Variants in OTOGL observed in about 807,000 individuals in gnomAD.
The protein encoded by OTOGL is otogelin like.
In OTOGL, 285 loss-of-function variants were observed where a neutral mutation model predicts 318.5. The ratio of observed to expected loss-of-function variants is 0.89; its 90% CI spans 0.81 to 0.99. OTOGL has a LOEUF of 0.99. Among genes scored for constraint, OTOGL ranks in the 50% least tolerant of loss-of-function variants. OTOGL has a pLI of 0.00. For synonymous variants in OTOGL, 987 were observed against 936.5 expected (o/e 1.05, Z -0.99); for missense variants, 2,899 against 2,845.6 (o/e 1.02, Z -0.43).
intron 56 of OTOGL, 64 bp from the exon 57 acceptor site, chr12:80,371,955 C>T: frequency 9.5e-7 from 1 of 1,057,346 alleles, no homozygotes; most frequent in Non-Finnish European, 1.3e-6. Context: ...TTTTCTTTTT[C>T]TAGTACAAGA....
Position 80,380,213 on chromosome 12 carries a change from G to C in OTOGL, c.*2165G>C, listed in dbSNP as rs1010983108. ...AAAATAGGGAAGAAATCTTAGATTG[G>C]GGAGAGCCATTCTAATTGTGACTCA... On this transcript the variant is annotated 3_prime_UTR_variant, in exon 59 of 59. Coordinates refer to ENST00000547103, the MANE Select transcript of OTOGL (RefSeq NM_001378609.3). The C allele has an allele frequency of 6.6e-6, 1 of 151,924 alleles. No homozygotes were observed. The highest frequency in any genetic ancestry group is 2.4e-5 in the African/African-American group (1 of 41,408). The allele number at this position is 151,924 out of a possible 1,614,324, so 9.4% of individuals were successfully genotyped here. A position where few individuals can be genotyped will look rare whatever the true frequency, so the allele number is the denominator to read the frequency against.
At chr12:80,184,211 G>C (rs1875129160) in intron 1 of OTOGL, among the ~76,000 whole-genome samples, 1 of 152,134 alleles carries the variant, frequency 6.6e-6, no homozygotes, top group Non-Finnish European at 1.5e-5. Context: ...TCAATGCTCT[G>C]CTTCAGGCAG....
intron 1 of OTOGL, among the ~76,000 whole-genome samples, chr12:80,170,355 T>C (rs1222966421): frequency 2.0e-5 from 3 of 152,190 alleles, no homozygotes; most frequent in Non-Finnish European, 2.9e-5. Context: ...AATATTTTTA[T>C]GTGATTATGT....
intron 4 of OTOGL, among the ~76,000 whole-genome samples, chr12:80,212,592 C>CA (rs1877352845): frequency 6.6e-6 from 1 of 151,984 alleles, no homozygotes; most frequent in Admixed American, 6.6e-5. Context: ...TTGGAATGCT[C>CA]AAATGGATGG....
chr12:80,370,601 C>T lies in OTOGL; in HGVS notation c.6647C>T (p.Thr2216Ile). 6.3e-7 allele frequency: 1 copy of T among 1,576,732 alleles called. No individual in the cohort carries two copies. Among genetic ancestry groups the T allele is most frequent in the Non-Finnish European group, 8.6e-7 (1 of 1,160,620 alleles). Residue 2216 changes from threonine to isoleucine, a missense_variant, in exon 56 of 59, where the codon ACA (threonine) becomes ATA (isoleucine). Physicochemically the swap from Thr to Ile is moderately conservative, Grantham distance 89. This residue lies in a region of OTOGL where 289 missense variants were observed against 304.6 expected (regional missense o/e 0.95). Transcript: ENST00000547103. The stretch of plus-strand genomic sequence containing the variant: ...AGTACCTGGCACTACAATTGCACCA[C>T]ATATGAATGTGTTAAAACTGATGAA... The part of the protein sequence containing the change: ...VGSTWHYNCT[T>I]YECVKTDEGA...
intron 6 of OTOGL, among the ~76,000 whole-genome samples, chr12:80,220,733 G>C (rs1878239611): frequency 8.0e-6 from 1 of 124,652 alleles, no homozygotes; most frequent in African/African-American, 3.1e-5. Context: ...CCCAGGCTAG[G>C]CATTGGGGAT....
intron 1 of OTOGL, among the ~76,000 whole-genome samples, chr12:80,100,473 T>C (rs750432128): frequency 6.6e-6 from 1 of 152,128 alleles, no homozygotes; most frequent in African/African-American, 2.4e-5. Context: ...TCCATAATAA[T>C]CAAAAATTAA....
At chr12:80,297,652 A>T (rs1042340879) in intron 27 of OTOGL, among the ~76,000 whole-genome samples, 3 of 151,968 alleles carry the variant, frequency 2.0e-5, no homozygotes, top group Non-Finnish European at 4.4e-5. Context: ...TACATTTTTG[A>T]TGGAAATCTA....
intron 11 of OTOGL, among the ~76,000 whole-genome samples, chr12:80,249,093 G>C (rs372084251): frequency 1.2e-4 from 17 of 143,760 alleles, no homozygotes; most frequent in African/African-American, 4.1e-4. Context: ...TTTTCAACTT[G>C]TTTGCCTTTG....
chr12:80,264,954 G>T, intron 19 of OTOGL, 47 bp from the exon 20 acceptor site: 1 of 1,562,742 alleles, frequency 6.4e-7, no homozygotes, highest in Non-Finnish European at 8.8e-7. Context: ...TAATTCTGGG[G>T]TAAGATCTGA....
chr12:80,254,784 A>G (rs1485143053), intron 15 of OTOGL, among the ~76,000 whole-genome samples: 1 of 152,022 alleles, frequency 6.6e-6, no homozygotes, highest in Non-Finnish European at 1.5e-5. Flanking sequence ...TAAATGTTAT[A>G]AAACCTAAAA....
intron 38 of OTOGL, among the ~76,000 whole-genome samples, chr12:80,335,384 A>G (rs1413396177): frequency 1.3e-5 from 2 of 152,296 alleles, no homozygotes; most frequent in East Asian, 1.9e-4. Context: ...TAGCATTGCT[A>G]TAATTATTAC....
chr12:80,150,162 T>A (rs1035689647), intron 1 of OTOGL, among the ~76,000 whole-genome samples: 1 of 152,192 alleles, frequency 6.6e-6, no homozygotes, highest in Non-Finnish European at 1.5e-5. Context: ...TCAAATAGAG[T>A]ACTGTGTGAC....
At chr12:80,346,403 G>A (rs751583494) in intron 44 of OTOGL, among the ~76,000 whole-genome samples, 15 of 152,074 alleles carry the variant, frequency 9.9e-5, no homozygotes, top group Non-Finnish European at 2.2e-4. Flanking sequence ...AAAAAAAAAG[G>A]GAGGGTCATG....
At position 80,328,760 on chromosome 12, in the gene OTOGL, G is replaced by T. The variant is rs1437143128; in HGVS notation, c.4279+16G>T. Reference sequence around the variant, plus strand: ...CCACGAGACTGTAAGTGTGAACGTTGCTTAATTTACTCTGAAAAATTATAC... The same window carrying T: ...CCACGAGACTGTAAGTGTGAACGTTTCTTAATTTACTCTGAAAAATTATAC... On this transcript the variant is annotated intron_variant, in intron 36 of 58. Transcript: ENST00000547103. 4.5e-6 allele frequency: 7 copies of T among 1,566,622 alleles called. No individual in the cohort carries two copies. The highest frequency in any genetic ancestry group is 6.1e-6 in the Non-Finnish European group (7 of 1,140,310).
In OTOGL at chr12:80,367,698, C is replaced by A; in HGVS notation, c.6469C>A (p.Leu2157Met). The A allele has an allele frequency of 6.9e-7, 1 of 1,458,926 alleles. No homozygotes were observed. The highest frequency in any genetic ancestry group is 1.5e-5 in the South Asian group (1 of 68,356). 90.4% of individuals were successfully genotyped at this position (1,458,926 alleles called of 1,614,324 possible). Residue 2157 changes from leucine to methionine, a missense_variant, in exon 54 of 59, where the codon CTG becomes ATG. Physicochemically the swap from Leu to Met is conservative, Grantham distance 15. This residue lies in a region of OTOGL where 289 missense variants were observed against 304.6 expected (regional missense o/e 0.95). Coordinates refer to ENST00000547103, the MANE Select transcript of OTOGL (RefSeq NM_001378609.3). ...EKDNHTGFHT[L>M]NFTLVNCSKK... Reference sequence around the variant, plus strand: ...AGATAACCATACGGGCTTTCACACTCTGAATTTTACACTGGTGAATTGTTC... The same window carrying A: ...AGATAACCATACGGGCTTTCACACTATGAATTTTACACTGGTGAATTGTTC...
At chr12:80,271,580 T>G in intron 23 of OTOGL, 68 bp from the exon 24 acceptor site, 1 of 1,434,814 alleles carries the variant, frequency 7.0e-7, no homozygotes, top group Non-Finnish European at 9.5e-7. Context: ...TTTTATGAAT[T>G]TTGGTGTTCA....
chr12:80,372,220 G>A, intron 57 of OTOGL, among the ~76,000 whole-genome samples, 156 bp downstream of exon 57: 1 of 151,946 alleles, frequency 6.6e-6, no homozygotes, highest in Admixed American at 6.6e-5. Context: ...GTATCATATG[G>A]TTAATAATTT....
At chr12:80,117,919 G>A (rs1440327249) in intron 1 of OTOGL, among the ~76,000 whole-genome samples, 3 of 152,052 alleles carry the variant, frequency 2.0e-5, no homozygotes. Flanking sequence ...TCCTGCACAT[G>A]CTTCCTTATC....
Sources: allele counts gnomAD v4.1 joint callset (sites outside exome capture counted in the v4.1 genomes callset), GRCh38; gene constraint gnomAD v4.1.1; regional missense constraint gnomAD v4.1.1; transcripts MANE v1.5; gene names NCBI Gene and HGNC (gene_info 2026-07-23, HGNC 2026-07-21).